The following STRN variants were observed in gnomAD, a reference collection of about 807,000 sequenced individuals.
The protein encoded by STRN is protein phosphatase 2 regulatory subunit B'''alpha.
Under a neutral mutation model 96.3 loss-of-function variants are expected in STRN, and 53 were observed. The observed-to-expected ratio is 0.55, with a 90% CI of 0.44 to 0.69. The LOEUF (loss-of-function observed/expected upper bound fraction) is 0.69, where lower values mean the gene tolerates loss of function less well. STRN is among the 30% of genes least tolerant of loss of function. STRN has a pLI of 0.00. For synonymous variants in STRN, 428 were observed against 355.9 expected (o/e 1.20, Z -2.28); for missense variants, 987 against 963.9 (o/e 1.02, Z -0.32).
chr2:36,913,819 G>A (rs1445887496), intron 3 of STRN, among the ~76,000 whole-genome samples: 2 of 152,232 alleles, frequency 1.3e-5, no homozygotes, highest in African/African-American at 4.8e-5. Context: ...GAGTTAGGAA[G>A]TATTCCCAGA....
rs556683682 is a variant in STRN at position 36,952,324 on chromosome 2, T to C, written c.234+13906A>G. ...GCTGTTAGGGAAGCACGAAGCTTCC[T>C]TGTGCCTGGAAGTCAGACAGGTTTC... On this transcript the variant is annotated intron_variant, in intron 1 of 17. Coordinates refer to ENST00000263918, the MANE Select transcript of STRN (RefSeq NM_003162.4). 3.3e-5 allele frequency among the ~76,000 whole-genome samples: 5 copies of C among 152,300 alleles called. No homozygotes were observed. In the East Asian group the frequency reaches 9.7e-4, roughly 29 times the overall value.
At chr2:36,915,246 TA>T (rs1670064525) in intron 3 of STRN, among the ~76,000 whole-genome samples, 1 of 102,014 alleles carries the variant, frequency 9.8e-6, no homozygotes, top group South Asian at 3.1e-4. Flanking sequence ...TATATATATA[TA>T]TATATATATA....
intron 12 of STRN, among the ~76,000 whole-genome samples, chr2:36,865,715 C>A (rs1236693722): frequency 6.6e-6 from 1 of 152,074 alleles, no homozygotes. Context: ...GTGCACGCCA[C>A]CGCACTCAGC....
intron 1 of STRN, among the ~76,000 whole-genome samples, chr2:36,957,742 G>GTTT (rs1158709835): frequency 0.047 from 4,828 of 102,938 alleles, 331 homozygotes; most frequent in Non-Finnish European, 0.06. Flanking sequence ...TCTTCTTTTT[G>GTTT]TCTTTTTTTT....
chr2:36,948,128 G>T (rs1664647922), intron 1 of STRN, among the ~76,000 whole-genome samples: 1 of 97,366 alleles, frequency 1.0e-5, no homozygotes, highest in Non-Finnish European at 1.9e-5. Flanking sequence ...TTGTGACAGA[G>T]TCTCACTCTG....
At chr2:36,921,343 T>C (rs1670250243) in intron 2 of STRN, among the ~76,000 whole-genome samples, 1 of 152,160 alleles carries the variant, frequency 6.6e-6, no homozygotes, top group Non-Finnish European at 1.5e-5. Flanking sequence ...TCTCTATTTC[T>C]TTGTTGGCTC....
intron 6 of STRN, among the ~76,000 whole-genome samples, chr2:36,898,368 G>C (rs530170491): frequency 1.3e-5 from 2 of 152,240 alleles, no homozygotes; most frequent in Admixed American, 1.3e-4. Flanking sequence ...TACTTCTTTG[G>C]ATAAGAAAAA....
intron 1 of STRN, among the ~76,000 whole-genome samples, chr2:36,945,626 C>T (rs946336891): frequency 6.6e-6 from 1 of 151,964 alleles, no homozygotes; most frequent in African/African-American, 2.4e-5. Context: ...GATCGCAACA[C>T]TGCACTCCAG....
intron 9 of STRN, among the ~76,000 whole-genome samples, chr2:36,879,577 A>G (rs1360611365): frequency 6.6e-6 from 1 of 152,250 alleles, no homozygotes; most frequent in Non-Finnish European, 1.5e-5. Flanking sequence ...AATTTGGTCA[A>G]TAACAAAATG....
intron 14 of STRN, among the ~76,000 whole-genome samples, chr2:36,855,712 A>C (rs954782148): frequency 2.0e-5 from 3 of 152,148 alleles, no homozygotes; most frequent in African/African-American, 7.2e-5. Flanking sequence ...ATTTTAAAAA[A>C]CCCATCTCTT....
intron 7 of STRN, among the ~76,000 whole-genome samples, chr2:36,887,305 A>G (rs948123054): frequency 6.7e-6 from 1 of 150,196 alleles, no homozygotes; most frequent in African/African-American, 2.4e-5. Context: ...AAATAAATAA[A>G]TAAATAAATA....
rs2691106 is a variant in STRN, at chr2:36,883,902, T to A, written c.1186+30A>T. ...TTTAAAGATATACATCCAAGTGCATTTTGTGCTCCAGAGTATCTTAAATAC... is the reference window on the plus strand; with the variant it reads ...TTTAAAGATATACATCCAAGTGCATATTGTGCTCCAGAGTATCTTAAATAC... On this transcript the variant is annotated intron_variant, in intron 9 of 17. Transcript: ENST00000263918. 685,446 of 1,316,602 alleles carry A rather than the reference T, an allele frequency of 0.52. 185,476 individuals are homozygous for A. The highest frequency in any genetic ancestry group is 0.56 in the Non-Finnish European group (570,111 of 1,023,288). 81.6% of individuals were successfully genotyped at this position (1,316,602 alleles called of 1,614,324 possible).
chr2:36,862,813 C>A (rs1184745508), intron 12 of STRN, among the ~76,000 whole-genome samples: 1 of 151,896 alleles, frequency 6.6e-6, no homozygotes, highest in Admixed American at 6.6e-5. Flanking sequence ...TGGCTCACTG[C>A]AAGCTCTGCC....
chr2:36,881,118 CTTTTTTTTTTTTTT>C (rs3081783), intron 9 of STRN, among the ~76,000 whole-genome samples: 20 of 78,980 alleles, frequency 2.5e-4, no homozygotes, highest in African/African-American at 7.6e-4. Flanking sequence ...ACACTGCCTT[CTTTTTTTTTTTTTT>C]TTTTTTTTTT....
intron 1 of STRN, among the ~76,000 whole-genome samples, chr2:36,937,500 G>A (rs1286804170): frequency 6.6e-6 from 1 of 151,866 alleles, no homozygotes; most frequent in Admixed American, 6.6e-5. Flanking sequence ...GAGAATCCAT[G>A]TCTACAAAAA....
chr2:36,901,551 CAAAA>C (rs72004958), intron 5 of STRN, among the ~76,000 whole-genome samples: 3 of 96,692 alleles, frequency 3.1e-5, no homozygotes, highest in Non-Finnish European at 4.6e-5. Flanking sequence ...GACTCCGCCT[CAAAA>C]AAAAAAAAAA....
chr2:36,926,974 T>C (rs563579673), intron 1 of STRN, among the ~76,000 whole-genome samples: 45 of 152,314 alleles, frequency 3.0e-4, no homozygotes, highest in African/African-American at 1.0e-3. Flanking sequence ...TGCTTTGGCA[T>C]AGAACTTTAT....
intron 3 of STRN, 37 bp downstream of exon 3, chr2:36,916,041 C>T (rs1572671771): frequency 6.4e-7 from 1 of 1,555,890 alleles, no homozygotes; most frequent in Non-Finnish European, 8.8e-7. Flanking sequence ...ACATTAACTT[C>T]TTTTTAACAC....
chr2:36,941,654 A>G (rs570068069), intron 1 of STRN, among the ~76,000 whole-genome samples: 54 of 151,470 alleles, frequency 3.6e-4, no homozygotes, highest in Non-Finnish European at 6.9e-4. Flanking sequence ...GGTTCAAGCA[A>G]TTCTCCTGCC....
Sources: allele counts gnomAD v4.1 joint callset (sites outside exome capture counted in the v4.1 genomes callset), GRCh38; gene constraint gnomAD v4.1.1; transcripts MANE v1.5; gene names NCBI Gene and HGNC (gene_info 2026-07-23, HGNC 2026-07-21).